Variants in SLF2 observed in about 807,000 individuals in gnomAD.
The protein encoded by SLF2 is SMC5-SMC6 complex localization factor protein 2.
A neutral mutation model predicts 124.3 loss-of-function variants in SLF2; 68 were observed. That is an observed-to-expected ratio of 0.55 (90% CI 0.45 to 0.67). SLF2 has a LOEUF of 0.67. Ranked by LOEUF, SLF2 falls within the 30% of genes least tolerant of loss-of-function variation. The pLI is 0.00. For missense variants in SLF2, 1,246 were observed against 1,373.7 expected (o/e 0.91, Z 1.47); for synonymous variants, 480 against 478.8 (o/e 1.00, Z -0.03).
chr10:100,918,559 CATATT>C, intron 4 of SLF2, 118 bp downstream of exon 4: 2 of 634,224 alleles, frequency 3.2e-6, no homozygotes, highest in East Asian at 2.8e-5. Flanking sequence ...TTAAGTGTCT[CATATT>C]AATTAAGAGT....
At position 100,963,980 on chromosome 10, in the gene SLF2, G is replaced by A. The variant is rs1850469298; in HGVS notation, c.*2068G>A. On this transcript the variant is annotated 3_prime_UTR_variant, in exon 20 of 20. Coordinates refer to ENST00000238961, the MANE Select transcript of SLF2 (RefSeq NM_018121.4). ...TGGCCAGACCTCAGTTTAGGCCCTT[G>A]TATTTATGACTCTGGTAGAGGTCTT... 1 of 152,582 alleles carries A rather than the reference G, an allele frequency of 6.6e-6. No individual in the cohort carries two copies. The highest frequency in any genetic ancestry group is 6.5e-5 in the Admixed American group (1 of 15,278). 9.5% of individuals were successfully genotyped at this position (152,582 alleles called of 1,614,324 possible).
Position 100,915,947 on chromosome 10 carries a change from T to C in SLF2, c.141-52T>C, listed in dbSNP as rs1849404907. 4 of 1,336,622 alleles carry C rather than the reference T, an allele frequency of 3.0e-6. No homozygotes were observed. The Admixed American group carries it at 5.2e-5, about 17-fold the overall frequency. The allele number at this position is 1,336,622 out of a possible 1,614,324, so 82.8% of individuals were successfully genotyped here. On this transcript the variant is annotated intron_variant, in intron 1 of 19. Coordinates refer to ENST00000238961, the MANE Select transcript of SLF2 (RefSeq NM_018121.4). ...ATCTTTCTCCATTTAATCTGAGTTA[T>C]GAAGGTTTTAATATTTGCTTATATG...
chr10:100,947,587 T>C lies in SLF2; in HGVS notation c.3033-173T>C, dbSNP rs577567770. On this transcript the variant is annotated intron_variant, in intron 14 of 19. Coordinates refer to ENST00000238961, the MANE Select transcript of SLF2 (RefSeq NM_018121.4). ...ATAACTCAAGTTTTATGTACAGATA[T>C]TTTACATGAAAATTTTACTGTTCTA... 9.2e-5 allele frequency among the ~76,000 whole-genome samples: 14 copies of C among 152,288 alleles called. 1 individual carries two copies. The East Asian group carries it at 2.5e-3, about 27-fold the overall frequency.
rs973331276 is a variant in SLF2 at position 100,961,975 on chromosome 10, G to GT, written c.*64dup. 62 of 1,448,810 alleles carry GT rather than the reference G, an allele frequency of 4.3e-5. No homozygotes were observed. In the African/African-American group the frequency reaches 8.3e-4, roughly 19 times the overall value. The allele number at this position is 1,448,810 out of a possible 1,614,324, so 89.7% of individuals were successfully genotyped here. A position where few individuals can be genotyped will look rare whatever the true frequency, so the allele number is the denominator to read the frequency against. On this transcript the variant is annotated 3_prime_UTR_variant, in exon 20 of 20. Coordinates refer to ENST00000238961, the MANE Select transcript of SLF2 (RefSeq NM_018121.4). ...TTCAATAAGAGCCTTTCATAGAGGA[G>GT]TAGAAAGGATTATTACAGAATCCAA...
chr10:100,961,684 CTGT>C (rs1850430012), intron 19 of SLF2, among the ~76,000 whole-genome samples, 190 bp from the exon 20 acceptor site: 1 of 152,092 alleles, frequency 6.6e-6, no homozygotes. Flanking sequence ...TTATTTTTTA[CTGT>C]TTTTTGTTGT....
intron 6 of SLF2, among the ~76,000 whole-genome samples, chr10:100,927,443 A>T (rs1380665650): frequency 6.6e-6 from 1 of 152,196 alleles, no homozygotes; most frequent in Non-Finnish European, 1.5e-5. Flanking sequence ...TATAAAGCTG[A>T]TTATTCCATT....
intron 18 of SLF2, among the ~76,000 whole-genome samples, chr10:100,958,885 G>A (rs1850378822): frequency 6.6e-6 from 1 of 152,220 alleles, no homozygotes; most frequent in Non-Finnish European, 1.5e-5. Flanking sequence ...ACCTCCAAAT[G>A]TAGGAAAATA....
chr10:100,963,787 T>C lies in SLF2; in HGVS notation c.*1875T>C, dbSNP rs928941191. ...GGGGGGACAAGTGGGTTATTCAGGTTTTTTTTTAATGACCCTTTTGTATTG... is the reference window on the plus strand; with the variant it reads ...GGGGGGACAAGTGGGTTATTCAGGTCTTTTTTTAATGACCCTTTTGTATTG... On this transcript the variant is annotated 3_prime_UTR_variant, in exon 20 of 20. Transcript: ENST00000238961. The C allele has an allele frequency of 6.6e-6, 1 of 152,320 alleles. No homozygotes were observed. Among genetic ancestry groups the C allele is most frequent in the Non-Finnish European group, 1.5e-5 (1 of 67,986 alleles). The allele number at this position is 152,320 out of a possible 1,614,324, so 9.4% of individuals were successfully genotyped here. A position where few individuals can be genotyped will look rare whatever the true frequency, so the allele number is the denominator to read the frequency against.
Position 100,924,178 on chromosome 10 carries a change from T to C in SLF2, c.1177T>C (p.Ser393Pro). 6.2e-7 allele frequency: 1 copy of C among 1,614,082 alleles called. No individual in the cohort carries two copies. Among genetic ancestry groups the C allele is most frequent in the Non-Finnish European group, 8.5e-7 (1 of 1,180,006 alleles). The change falls in exon 5 of 20, where the codon TCC becomes CCC. Residue 393 changes from serine (S) to proline (P), a missense_variant. By Grantham distance (74) the Ser-to-Pro change is moderately conservative. Around this residue, in one of 3 missense-constraint regions of SLF2, gnomAD observed 698 missense variants for 708.9 expected, o/e 0.98. Coordinates refer to ENST00000238961, the MANE Select transcript of SLF2 (RefSeq NM_018121.4). ...PGDVLRLEDI[S>P]KEPSDETDGS... ...TGATGTGTTGCGCTTAGAAGATATA[T>C]CCAAGGAACCGAGTGATGAAACTGA...
At chr10:100,947,918 C>A in intron 15 of SLF2, 71 bp downstream of exon 15, 2 of 1,166,704 alleles carry the variant, frequency 1.7e-6, no homozygotes, top group Non-Finnish European at 2.5e-6. Context: ...AATTGATGAA[C>A]CCTAAGTCAA....
At chr10:100,931,482 G>T (rs1011831697) in intron 9 of SLF2, among the ~76,000 whole-genome samples, 10 of 150,786 alleles carry the variant, frequency 6.6e-5, no homozygotes, top group African/African-American at 2.2e-4. Context: ...TTTTTTGGAT[G>T]CAAATCCAAC....
At chr10:100,932,727 GCGCGCGCGCGCACATTT>G (rs1849767775) in intron 9 of SLF2, among the ~76,000 whole-genome samples, 1 of 145,992 alleles carries the variant, frequency 6.8e-6, no homozygotes, top group South Asian at 2.2e-4. Flanking sequence ...GTGTGCGCGC[GCGCGCGCGCGCACATTT>G]GTAAATGTAT....
intron 19 of SLF2, among the ~76,000 whole-genome samples, chr10:100,959,819 A>G (rs1159814495): frequency 6.6e-6 from 1 of 152,202 alleles, no homozygotes; most frequent in Non-Finnish European, 1.5e-5. Context: ...CTTAACGTGT[A>G]CAGTGGTTTT....
At chr10:100,942,850 A>G (rs1850008362) in intron 11 of SLF2, among the ~76,000 whole-genome samples, 1 of 152,128 alleles carries the variant, frequency 6.6e-6, no homozygotes, top group Middle Eastern at 3.4e-3. Flanking sequence ...GCTAGTCTTG[A>G]TCTCCTGGGC....
Position 100,913,072 on chromosome 10 carries a change from C to G in SLF2, c.-39C>G. 1 of 1,601,654 alleles carries G rather than the reference C, an allele frequency of 6.2e-7. No individual in the cohort carries two copies. The highest frequency in any genetic ancestry group is 8.5e-7 in the Non-Finnish European group (1 of 1,174,352). On this transcript the variant is annotated 5_prime_UTR_variant, in exon 1 of 20. Transcript: ENST00000238961. ...GACGGCAACCACGCACCCAACTTCT[C>G]CAGCCACGGCTCATGCCGCCGTCGC...
intron 18 of SLF2, among the ~76,000 whole-genome samples, chr10:100,959,034 G>A (rs1384535084): frequency 1.3e-5 from 2 of 152,172 alleles, no homozygotes; most frequent in Non-Finnish European, 2.9e-5. Context: ...AGGGAAGCTG[G>A]GAAGGGAAGG....
chr10:100,954,779 C>T (rs1210724724), intron 17 of SLF2, among the ~76,000 whole-genome samples: 1 of 151,816 alleles, frequency 6.6e-6, no homozygotes. Context: ...GCTGTCTCTA[C>T]AAAAAAACAA....
In SLF2 at chr10:100,924,139, C is replaced by G. The variant is rs942113179; in HGVS notation, c.1138C>G (p.Leu380Val). 6.2e-7 allele frequency: 1 copy of G among 1,613,608 alleles called. No homozygotes were observed. The highest frequency in any genetic ancestry group is 8.5e-7 in the Non-Finnish European group (1 of 1,179,898). The change falls in exon 5 of 20, where the codon CTG becomes GTG. Residue 380 changes from leucine to valine, a missense_variant. By Grantham distance (32) the Leu-to-Val change is conservative. Coordinates refer to ENST00000238961, the MANE Select transcript of SLF2 (RefSeq NM_018121.4). Reference protein sequence around the residue: ...QKEKFIKHIALKTPGDVLRLE... With the variant: ...QKEKFIKHIAVKTPGDVLRLE... ...AGAAAAATTTATAAAACATATTGCACTGAAGACACCTGGTGATGTGTTGCG... is the reference window on the plus strand; with the variant it reads ...AGAAAAATTTATAAAACATATTGCAGTGAAGACACCTGGTGATGTGTTGCG...
At chr10:100,945,633 G>T in intron 13 of SLF2, 127 bp downstream of exon 13, 2 of 726,420 alleles carry the variant, frequency 2.8e-6, no homozygotes, top group East Asian at 3.5e-5. Flanking sequence ...ACTGAGGAAG[G>T]GAATGTTTGC....
Sources: allele counts gnomAD v4.1 joint callset (sites outside exome capture counted in the v4.1 genomes callset), GRCh38; gene constraint gnomAD v4.1.1; regional missense constraint gnomAD v4.1.1; transcripts MANE v1.5; gene names NCBI Gene and HGNC (gene_info 2026-07-23, HGNC 2026-07-21).